GPCPD1: variants seen among roughly 807,000 people sequenced by gnomAD.
GPCPD1 encodes glycerophosphocholine phosphodiesterase GPCPD1.
GPCPD1 carries 29 observed loss-of-function variants against 89.2 expected under a neutral mutation model. The ratio of observed to expected loss-of-function variants is 0.33; its 90% confidence interval spans 0.24 to 0.44. GPCPD1 has a LOEUF of 0.44. Among genes scored for constraint, GPCPD1 ranks in the 20% least tolerant of loss-of-function variants. The pLI, the probability that GPCPD1 is intolerant of heterozygous loss-of-function variation, is 1.00. For synonymous variants in GPCPD1, 258 were observed against 266.3 expected (o/e 0.97, Z 0.30); for missense variants, 594 against 808.9 (o/e 0.73, Z 3.22).
At chr20:5,570,306 C>G in intron 11 of GPCPD1, 67 bp from the exon 12 acceptor site, 5 of 770,790 alleles carry the variant, frequency 6.5e-6, no homozygotes, top group South Asian at 1.6e-5. Context: ...ACTGCAAGAA[C>G]GTAAGAAATT....
At chr20:5,556,217 C>CT (rs1255462071) in intron 19 of GPCPD1, among the ~76,000 whole-genome samples, 1 of 151,424 alleles carries the variant, frequency 6.6e-6, no homozygotes, top group Non-Finnish European at 1.5e-5. Flanking sequence ...ATAAACATAA[C>CT]TTTTTTTTTA....
At position 5,570,246 on chromosome 20, in the gene GPCPD1, G is replaced by A. The variant is rs1384170343; in HGVS notation, c.1057-7C>T. On this transcript the variant is annotated splice_polypyrimidine_tract_variant and splice_region_variant and intron_variant, in intron 11 of 19. Transcript: ENST00000379019. ...ATTCTACAAAGGCTGCACCCTGACA[G>A]AAGGAAGCAAGTATTTGAAAAACAT... The A allele has an allele frequency of 5.5e-6, 8 of 1,466,628 alleles. No individual in the cohort carries two copies. The highest frequency in any genetic ancestry group is 7.6e-6 in the Non-Finnish European group (8 of 1,050,778). 90.9% of individuals were successfully genotyped at this position (1,466,628 alleles called of 1,614,324 possible).
chr20:5,591,997 G>GT (rs1979360372), intron 4 of GPCPD1, among the ~76,000 whole-genome samples: 2 of 152,184 alleles, frequency 1.3e-5, no homozygotes, highest in East Asian at 3.8e-4. Context: ...TTTTCAAAAG[G>GT]TATTTTGGAC....
At chr20:5,587,447 C>T (rs1979002515) in intron 4 of GPCPD1, among the ~76,000 whole-genome samples, 2 of 151,980 alleles carry the variant, frequency 1.3e-5, no homozygotes, top group Admixed American at 6.6e-5. Context: ...CGGCTCACTG[C>T]ACCCTTGCCT....
intron 13 of GPCPD1, 111 bp from the exon 14 acceptor site, chr20:5,566,883 T>C: frequency 1.4e-6 from 1 of 706,052 alleles, no homozygotes. Flanking sequence ...CTATAAAACG[T>C]AGAACTATCA....
intron 1 of GPCPD1, among the ~76,000 whole-genome samples, chr20:5,609,473 T>C (rs1230135848): frequency 6.6e-6 from 1 of 152,260 alleles, no homozygotes; most frequent in Non-Finnish European, 1.5e-5. Flanking sequence ...AGTTAATTCC[T>C]TGATCAACTT....
At chr20:5,583,319 G>T (rs1978688794) in intron 6 of GPCPD1, among the ~76,000 whole-genome samples, 1 of 151,640 alleles carries the variant, frequency 6.6e-6, no homozygotes, top group African/African-American at 2.4e-5. Context: ...TGAGGTGGGT[G>T]GATCACTTGA....
At chr20:5,569,507 C>G (rs138319104) in intron 12 of GPCPD1, among the ~76,000 whole-genome samples, 1 of 151,814 alleles carries the variant, frequency 6.6e-6, no homozygotes, top group Non-Finnish European at 1.5e-5. Context: ...GATCCCCCCC[C>G]GCCATTATGC....
chr20:5,566,747 G>C lies in GPCPD1; in HGVS notation c.1253C>G (p.Ser418Cys). Residue 418 changes from serine to cysteine, a missense_variant, in exon 14 of 20, where the codon TCT becomes TGT. Ser to Cys is a moderately radical substitution (Grantham distance 112). Coordinates refer to ENST00000379019, the MANE Select transcript of GPCPD1 (RefSeq NM_019593.5). Reference protein sequence around the residue: ...LKLTHVTALKSKDRKESVVQE... With the variant: ...LKLTHVTALKCKDRKESVVQE... ...TTGGTACATACCTTTCCGATCCTTA[G>C]ATTTCAGTGCAGTCACATGAGTGAG... 6.3e-7 allele frequency: 1 copy of C among 1,582,762 alleles called. No homozygotes were observed. Among genetic ancestry groups the C allele is most frequent in the Non-Finnish European group, 8.7e-7 (1 of 1,151,574 alleles).
At chr20:5,555,823 C>G (rs1173025676) in intron 19 of GPCPD1, among the ~76,000 whole-genome samples, 1 of 152,208 alleles carries the variant, frequency 6.6e-6, no homozygotes, top group East Asian at 1.9e-4. Flanking sequence ...CATTGCACTC[C>G]AGCCAGGGTA....
At chr20:5,554,396 C>T (rs1985627738) in intron 19 of GPCPD1, among the ~76,000 whole-genome samples, 1 of 152,148 alleles carries the variant, frequency 6.6e-6, no homozygotes, top group African/African-American at 2.4e-5. Context: ...AAATAACAGG[C>T]TGCTTCTCTT....
In GPCPD1 at chr20:5,546,879, G is replaced by C. The variant is rs755563043; in HGVS notation, c.*782C>G. 6.6e-6 allele frequency: 1 copy of C among 152,404 alleles called. No homozygotes were observed. Among genetic ancestry groups the C allele is most frequent in the African/African-American group, 2.4e-5 (1 of 41,362 alleles). The allele number at this position is 152,404 out of a possible 1,614,324, so 9.4% of individuals were successfully genotyped here. On this transcript the variant is annotated 3_prime_UTR_variant, in exon 20 of 20. Transcript: ENST00000379019. The stretch of plus-strand genomic sequence containing the variant: ...GATGCAAGGACCTAACAGTAAACAT[G>C]TACAATCTCATGCTTAACACCTAAA...
chr20:5,586,886 T>C (rs1469702662), intron 4 of GPCPD1, among the ~76,000 whole-genome samples: 1 of 152,196 alleles, frequency 6.6e-6, no homozygotes, highest in Admixed American at 6.5e-5. Flanking sequence ...AGAAGGGACA[T>C]GTGGCCAGGT....
intron 3 of GPCPD1, among the ~76,000 whole-genome samples, chr20:5,594,600 G>T (rs192524992): frequency 9.9e-5 from 15 of 152,126 alleles, no homozygotes; most frequent in Non-Finnish European, 2.1e-4. Flanking sequence ...CCGCCTCCAG[G>T]TAACTTTTAT....
intron 3 of GPCPD1, among the ~76,000 whole-genome samples, chr20:5,595,979 AT>A (rs538864679): frequency 6.6e-6 from 1 of 151,888 alleles, no homozygotes; most frequent in African/African-American, 2.4e-5. Context: ...AGGTATGTGT[AT>A]TTTTTTTCAA....
At chr20:5,586,056 G>C (rs780955112) in intron 5 of GPCPD1, 138 bp downstream of exon 5, 13 of 460,632 alleles carry the variant, frequency 2.8e-5, no homozygotes, top group Non-Finnish European at 4.7e-5. Flanking sequence ...TCCATGAAAT[G>C]CTCAGTGAAA....
intron 6 of GPCPD1, among the ~76,000 whole-genome samples, chr20:5,582,664 A>G (rs995582228): frequency 6.6e-6 from 1 of 152,030 alleles, no homozygotes; most frequent in African/African-American, 2.4e-5. Context: ...CAAGGCAGGC[A>G]GATCACTTGA....
intron 19 of GPCPD1, among the ~76,000 whole-genome samples, chr20:5,555,081 GCTT>G (rs749314372): frequency 1.3e-5 from 2 of 152,338 alleles, no homozygotes; most frequent in African/African-American, 2.4e-5. Flanking sequence ...ACGAGGAGTT[GCTT>G]CTTATGGATG....
intron 2 of GPCPD1, 63 bp from the exon 3 acceptor site, chr20:5,598,884 G>A: frequency 9.5e-7 from 1 of 1,047,284 alleles, no homozygotes; most frequent in Non-Finnish European, 1.5e-6. Flanking sequence ...GGATAAGCAG[G>A]GAAGTTTGCA....
Sources: gnomAD v4.1 joint callset for allele counts (sites outside exome capture counted in the v4.1 genomes callset) on GRCh38, gnomAD v4.1.1 for gene constraint, MANE v1.5 for transcripts, NCBI Gene and HGNC (gene_info 2026-07-23, HGNC 2026-07-21) for gene names.